Variants in NFKBIZ observed in about 807,000 individuals in gnomAD.
NFKBIZ encodes NF-kappa-B inhibitor zeta.
NFKBIZ carries 19 observed loss-of-function variants against 76.8 expected under a neutral mutation model. The ratio of observed to expected loss-of-function variants is 0.25; its 90% CI spans 0.17 to 0.36. The LOEUF (loss-of-function observed/expected upper bound fraction) is 0.36. NFKBIZ is among the 10% of genes least tolerant of loss of function. The pLI, the probability that NFKBIZ is intolerant of heterozygous loss-of-function variation, is 1.00. For synonymous variants in NFKBIZ, 368 were observed against 354.8 expected, an observed-to-expected ratio of 1.04 and a Z score of -0.42; for missense variants, 829 against 910.9, an observed-to-expected ratio of 0.91 and a Z score of 1.16.
chr3:101,828,808 AT>A (rs1942598074), intron 1 of NFKBIZ, among the ~76,000 whole-genome samples: 2 of 152,342 alleles, frequency 1.3e-5, no homozygotes, highest in East Asian at 3.9e-4. Flanking sequence ...TCTAAATAGA[AT>A]GGATTAGAGA....
intron 1 of NFKBIZ, 139 bp from the exon 2 acceptor site, chr3:101,851,946 C>T: frequency 2.1e-6 from 2 of 959,196 alleles, no homozygotes; most frequent in Non-Finnish European, 3.0e-6. Flanking sequence ...CATTGATTGA[C>T]CAGAGCAAGT....
intron 2 of NFKBIZ, among the ~76,000 whole-genome samples, chr3:101,834,109 A>ATC: frequency 6.6e-6 from 1 of 152,202 alleles, no homozygotes; most frequent in Non-Finnish European, 1.5e-5. Context: ...ATCAGAGTGC[A>ATC]GATAAGGGGT....
At chr3:101,839,047 T>C (rs182284937) in intron 2 of NFKBIZ, among the ~76,000 whole-genome samples, 68 of 152,294 alleles carry the variant, frequency 4.5e-4, no homozygotes, top group African/African-American at 1.5e-3. Context: ...TATGGATCTA[T>C]AATTTATTAT....
At position 101,853,638 on chromosome 3, in the gene NFKBIZ, T is replaced by C. The variant is rs768266036; in HGVS notation, c.1112T>C (p.Leu371Ser). 6.2e-7 allele frequency: 1 copy of C among 1,614,244 alleles called. No homozygotes were observed. Among genetic ancestry groups the C allele is most frequent in the South Asian group, 1.1e-5 (1 of 91,084 alleles). Residue 371 changes from leucine (L) to serine (S), a missense_variant, in exon 5 of 12, where the codon TTG becomes TCG. By Grantham distance (145) the Leu-to-Ser change is moderately radical. Coordinates refer to ENST00000326172, the MANE Select transcript of NFKBIZ (RefSeq NM_031419.4). ...GTTCAGCAGCAAAATGATGCTCACT[T>C]GCACAGCTTCAGCATGATGCCCAGC... is the stretch of plus-strand genomic sequence containing the variant. Reference protein sequence around the residue: ...SSVQQQNDAHLHSFSMMPSSA... With the variant: ...SSVQQQNDAHSHSFSMMPSSA...
At chr3:101,857,976 G>A in intron 11 of NFKBIZ, 3 of 824,756 alleles carry the variant, frequency 3.6e-6, no homozygotes, top group Non-Finnish European at 4.4e-6. Context: ...TTCAAACCTA[G>A]AAATATTTTG....
chr3:101,850,391 T>C (rs1942935146), intron 1 of NFKBIZ: 1 of 153,200 alleles, frequency 6.5e-6, no homozygotes, highest in African/African-American at 2.4e-5. Context: ...GTAAAAAGAC[T>C]TGACCGTCAA....
At position 101,852,898 on chromosome 3, in the gene NFKBIZ, C is replaced by G. The variant is rs200501545; in HGVS notation, c.473C>G (p.Thr158Arg). The change falls in exon 4 of 12, where the codon ACA (threonine) becomes AGA (arginine). Residue 158 changes from threonine (T) to arginine (R), a missense_variant. Physicochemically the swap from Thr to Arg is moderately conservative, Grantham distance 71. Around this residue, in one of 4 missense-constraint regions of NFKBIZ, gnomAD observed 371 missense variants for 332.3 expected, o/e 1.12. Transcript: ENST00000326172. ...CCTTTGGGTACAGAATTGAAGAACA[C>G]AGTATCATACAGTGGGAAAAGGAAA... is the stretch of plus-strand genomic sequence containing the variant. ...NIEQFRELKNTVSYSGKRKGP... is the reference protein window; with the variant it reads ...NIEQFRELKNRVSYSGKRKGP... 3.3e-4 allele frequency: 526 copies of G among 1,613,908 alleles called. 2 individuals carry two copies. The highest frequency in any genetic ancestry group is 2.8e-3 in the South Asian group (251 of 91,076).
Position 101,849,929 on chromosome 3 carries a change from C to T in NFKBIZ, c.289+12C>T. 7.2e-7 allele frequency: 1 copy of T among 1,383,840 alleles called. No individual in the cohort carries two copies. The highest frequency in any genetic ancestry group is 9.3e-7 in the Non-Finnish European group (1 of 1,077,026). 85.7% of individuals were successfully genotyped at this position (1,383,840 alleles called of 1,614,324 possible). A position where few individuals can be genotyped will look rare whatever the true frequency, so the allele number is the denominator to read the frequency against. On this transcript the variant is annotated intron_variant, in intron 1 of 11. Transcript: ENST00000326172. The stretch of plus-strand genomic sequence containing the variant: ...CGAGCGCCAGCCAGGTACCCGCCGG[C>T]CCCGCACCGCTGCGTACTCGGGGCG...
Position 101,853,293 on chromosome 3 carries a change from A to G in NFKBIZ, c.767A>G (p.Asp256Gly), listed in dbSNP as rs1473960372. The change falls in exon 5 of 12, where the codon GAC becomes GGC. Residue 256 changes from aspartate to glycine, a missense_variant. By Grantham distance (94) the Asp-to-Gly change is moderately conservative. This residue lies in a region of NFKBIZ where 371 missense variants were observed against 332.3 expected (regional missense o/e 1.12). Transcript: ENST00000326172. ...PQSSPAEQCQ[D>G]FHGGQVFSPP... Reference sequence around the variant, plus strand: ...AGCTCCCCCGCAGAGCAGTGTCAGGACTTCCATGGAGGGCAGGTCTTTTCT... The same window carrying G: ...AGCTCCCCCGCAGAGCAGTGTCAGGGCTTCCATGGAGGGCAGGTCTTTTCT... The G allele has an allele frequency of 2.5e-6, 4 of 1,614,022 alleles. No homozygotes were observed. Among genetic ancestry groups the G allele is most frequent in the Non-Finnish European group, 3.4e-6 (4 of 1,180,020 alleles).
At chr3:101,859,201 C>A in intron 11 of NFKBIZ, 117 bp from the exon 12 acceptor site, 2 of 709,944 alleles carry the variant, frequency 2.8e-6, no homozygotes, top group Non-Finnish European at 5.0e-6. Context: ...TCTTCGTATA[C>A]TTACAAGTTA....
chr3:101,845,590 C>T (rs1295191748), upstream of NFKBIZ, among the ~76,000 whole-genome samples: 1 of 152,180 alleles, frequency 6.6e-6, no homozygotes, highest in Non-Finnish European at 1.5e-5. Flanking sequence ...GCGTGAGCCA[C>T]TGCACCCAGC....
chr3:101,832,564 A>G (rs897136673), intron 2 of NFKBIZ, among the ~76,000 whole-genome samples: 13 of 152,314 alleles, frequency 8.5e-5, no homozygotes, highest in Middle Eastern at 3.4e-3. Flanking sequence ...ATCATATAAT[A>G]CCTATCTTCT....
intron 9 of NFKBIZ, 104 bp downstream of exon 9, chr3:101,856,006 GA>G: frequency 8.9e-7 from 1 of 1,128,086 alleles, no homozygotes; most frequent in Non-Finnish European, 1.2e-6. Flanking sequence ...TTTTTTTTCT[GA>G]AATTAATGGT....
chr3:101,857,858 C>T (rs2107423755), intron 11 of NFKBIZ: 1 of 933,252 alleles, frequency 1.1e-6, no homozygotes, highest in East Asian at 1.2e-4. Context: ...GTGGAGTGCT[C>T]ACAATAGTCC....
chr3:101,841,997 A>C (rs976428552), intron 2 of NFKBIZ, among the ~76,000 whole-genome samples: 7 of 152,326 alleles, frequency 4.6e-5, no homozygotes, highest in Non-Finnish European at 1.0e-4. Flanking sequence ...GGCTATTGAC[A>C]AGGGATACAT....
intron 2 of NFKBIZ, among the ~76,000 whole-genome samples, chr3:101,834,425 A>G (rs1186247155): frequency 6.6e-6 from 1 of 150,412 alleles, no homozygotes; most frequent in African/African-American, 2.5e-5. Flanking sequence ...CAGTGGCTCT[A>G]TCTTGGCTCA....
chr3:101,857,599 CAT>C, intron 11 of NFKBIZ, 140 bp downstream of exon 11: 4 of 1,459,340 alleles, frequency 2.7e-6, no homozygotes, highest in Non-Finnish European at 2.7e-6. Context: ...CGGTAGCTGT[CAT>C]AGCATTGTGG....
intron 6 of NFKBIZ, 123 bp from the exon 7 acceptor site, chr3:101,854,939 T>C: frequency 9.2e-7 from 1 of 1,089,040 alleles, no homozygotes; most frequent in South Asian, 1.7e-5. Context: ...AGTATCTGAT[T>C]GCTTATTCAA....
At chr3:101,837,940 A>G (rs1225244943) in intron 2 of NFKBIZ, among the ~76,000 whole-genome samples, 4 of 152,228 alleles carry the variant, frequency 2.6e-5, no homozygotes, top group Non-Finnish European at 1.5e-5. Context: ...AGTTTAGTAC[A>G]TCTTTAAGAA....
Sources: allele counts gnomAD v4.1 joint callset (sites outside exome capture counted in the v4.1 genomes callset), GRCh38; gene constraint gnomAD v4.1.1; regional missense constraint gnomAD v4.1.1; transcripts MANE v1.5; gene names NCBI Gene and HGNC (gene_info 2026-07-23, HGNC 2026-07-21).